CYP26B1: variants seen among roughly 807,000 people sequenced by gnomAD.
The protein encoded by CYP26B1 is cytochrome P450 26B1.
A neutral mutation model predicts 39.1 loss-of-function variants in CYP26B1; 8 were observed. The ratio of observed to expected loss-of-function variants is 0.20; its 90% confidence interval spans 0.12 to 0.37. The LOEUF is 0.37. Among genes scored for constraint, CYP26B1 ranks in the 10% least tolerant of loss-of-function variants. The pLI, the probability that CYP26B1 is intolerant of heterozygous loss-of-function variation, is 1.00. For missense variants in CYP26B1, 615 were observed against 707.0 expected, an observed-to-expected ratio of 0.87 and a Z score of 1.48; for synonymous variants, 321 against 314.3, an observed-to-expected ratio of 1.02 and a Z score of -0.23.
At position 72,147,306 on chromosome 2, in the gene CYP26B1, C is replaced by T. The variant is rs917896; in HGVS notation, c.204+325G>A. ...CTCAGGACCGGACCCTCCCCCGGGA[C>T]CGCGCCTCGCTAGGCGCCCCCGGGG... is the stretch of plus-strand genomic sequence containing the variant. On this transcript the variant is annotated intron_variant, in intron 1 of 5. Coordinates refer to ENST00000001146, the MANE Select transcript of CYP26B1 (RefSeq NM_019885.4). The surrounding 1 kb of genome is among the most constrained non-coding windows in gnomAD (Gnocchi z 6.1). Among the ~76,000 whole-genome samples the T allele has an allele frequency of 0.99, 151,180 of 152,260 alleles. 75,059 individuals are homozygous for T. The highest frequency in any genetic ancestry group is 1 in the East Asian group (5,142 of 5,142).
intron 2 of CYP26B1, among the ~76,000 whole-genome samples, chr2:72,141,519 C>G (rs1240420873): frequency 6.6e-6 from 1 of 152,190 alleles, no homozygotes; most frequent in Non-Finnish European, 1.5e-5. Context: ...CCCAGCACAC[C>G]TGGGCCCCAC....
intron 1 of CYP26B1, 88 bp from the exon 2 acceptor site, chr2:72,144,301 A>G (rs927955201): frequency 2.0e-6 from 3 of 1,536,316 alleles, no homozygotes; most frequent in Non-Finnish European, 2.6e-6. Context: ...CCCGGGGTAC[A>G]GTCACCTGCC....
Position 72,132,112 on chromosome 2 carries a change from G to T in CYP26B1, c.*115C>A, listed in dbSNP as rs879080089. ...TGCCAGGGAGGGGGAGCAAGGGAGGGCAAGTATGGGGGCCACTCGCCCTCC... is the reference window on the plus strand; with the variant it reads ...TGCCAGGGAGGGGGAGCAAGGGAGGTCAAGTATGGGGGCCACTCGCCCTCC... On this transcript the variant is annotated 3_prime_UTR_variant, in exon 6 of 6. Transcript: ENST00000001146. 2.4e-6 allele frequency: 3 copies of T among 1,226,176 alleles called. No homozygotes were observed. Among genetic ancestry groups the T allele is most frequent in the South Asian group, 2.9e-5 (2 of 69,826 alleles). The allele number at this position is 1,226,176 out of a possible 1,614,324, so 76.0% of individuals were successfully genotyped here. A position where few individuals can be genotyped will look rare whatever the true frequency, so the allele number is the denominator to read the frequency against.
At position 72,147,716 on chromosome 2, in the gene CYP26B1, G is replaced by C. The variant is rs1312651128; in HGVS notation, c.119C>G (p.Thr40Ser). The C allele has an allele frequency of 6.2e-7, 1 of 1,601,350 alleles. No individual in the cohort carries two copies. The highest frequency in any genetic ancestry group is 2.3e-5 in the East Asian group (1 of 44,026). ...QQLWQLRWAA[T>S]RDKSCKLPIP... is the part of the protein sequence containing the mutation. ...GGGCAGCTTGCAGCTCTTGTCGCGA[G>C]TGGCGGCCCAGCGCAGCTGCCACAG... Residue 40 changes from threonine to serine, a missense_variant, in exon 1 of 6, where the codon ACT becomes AGT. Thr to Ser is a moderately conservative substitution (Grantham distance 58). Transcript: ENST00000001146. This position sits in a 1 kb window ranked among gnomAD's most constrained non-coding sequence, Gnocchi z 6.1.
At chr2:72,140,838 G>A (rs572928540) in intron 2 of CYP26B1, among the ~76,000 whole-genome samples, 1 of 152,298 alleles carries the variant, frequency 6.6e-6, no homozygotes, top group Non-Finnish European at 1.5e-5. Context: ...GCAGGGGTCT[G>A]GGTAGAAGGG....
chr2:72,132,883 C>A, intron 5 of CYP26B1, 140 bp downstream of exon 5: 2 of 1,439,208 alleles, frequency 1.4e-6, no homozygotes, highest in East Asian at 2.5e-5. Context: ...CTTCTCCCAT[C>A]GGACTGAAAG....
At position 72,147,586 on chromosome 2, in the gene CYP26B1, G is replaced by A. The variant is rs764512488; in HGVS notation, c.204+45C>T. On this transcript the variant is annotated intron_variant, in intron 1 of 5. Coordinates refer to ENST00000001146, the MANE Select transcript of CYP26B1 (RefSeq NM_019885.4). The surrounding 1 kb of genome is among the most constrained non-coding windows in gnomAD (Gnocchi z 6.1). ...CCGCCGCTCCGTCTGCCCCGCGCTCGCAGCTAGCGGACCCCGGAGTGCAGC... is the reference window on the plus strand; with the variant it reads ...CCGCCGCTCCGTCTGCCCCGCGCTCACAGCTAGCGGACCCCGGAGTGCAGC... 5 of 1,555,152 alleles carry A rather than the reference G, an allele frequency of 3.2e-6. No individual in the cohort carries two copies.
intron 2 of CYP26B1, among the ~76,000 whole-genome samples, chr2:72,140,127 G>A (rs1224605075): frequency 6.6e-6 from 1 of 152,180 alleles, no homozygotes; most frequent in Non-Finnish European, 1.5e-5. Context: ...CTGGGAGAGT[G>A]AGCAAACACA....
chr2:72,140,726 G>A (rs1013961222), intron 2 of CYP26B1, among the ~76,000 whole-genome samples: 2 of 152,202 alleles, frequency 1.3e-5, no homozygotes, highest in Admixed American at 1.3e-4. Flanking sequence ...TTCCAAGATG[G>A]GGCCAAAGGT....
At chr2:72,143,544 C>G (rs1473171725) in intron 2 of CYP26B1, among the ~76,000 whole-genome samples, 1 of 152,208 alleles carries the variant, frequency 6.6e-6, no homozygotes, top group African/African-American at 2.4e-5. Context: ...CGCGCAGCCG[C>G]CTGCCCGCGA....
intron 2 of CYP26B1, among the ~76,000 whole-genome samples, chr2:72,138,511 G>T (rs565043862): frequency 9.3e-4 from 142 of 152,334 alleles, no homozygotes; most frequent in African/African-American, 3.2e-3. Context: ...GGCATCGCAG[G>T]AGCCACGACT....
chr2:72,144,634 GATTATTTATAGCGGTA>G, intron 1 of CYP26B1: 2 of 314,646 alleles, frequency 6.4e-6, no homozygotes, highest in Non-Finnish European at 9.2e-6. Context: ...GCAGGCCAAA[GATTATTTATAGCGGTA>G]AGCGGTCGGT....
rs1375687921 is a variant in CYP26B1, at chr2:72,147,161, A to G, written c.204+470T>C. ...GCAGGAACACAGTTTTAAATCGGCA[A>G]TTCAAGCTGCCACCAGCCCCCTCCT... On this transcript the variant is annotated intron_variant, in intron 1 of 5. Coordinates refer to ENST00000001146, the MANE Select transcript of CYP26B1 (RefSeq NM_019885.4). This position sits in a 1 kb window ranked among gnomAD's most constrained non-coding sequence, Gnocchi z 6.1. Among the ~76,000 whole-genome samples the G allele has an allele frequency of 6.6e-6, 1 of 152,022 alleles. No individual in the cohort carries two copies. The highest frequency in any genetic ancestry group is 1.5e-5 in the Non-Finnish European group (1 of 67,998).
Position 72,135,192 on chromosome 2 carries a change from G to A in CYP26B1, c.657C>T (p.Asp219=). Residue 219 remains aspartate, a synonymous_variant, in exon 3 of 6, where the codon GAC becomes GAT. Transcript: ENST00000001146. ...HLFEVYQQFV[D]NVFSLPVDLP... Reference sequence around the variant, plus strand: ...GGTCGACAGGCAGGGAGAAGACATTGTCCACAAACTGCTGGTAGACCTCAA... The same window carrying A: ...GGTCGACAGGCAGGGAGAAGACATTATCCACAAACTGCTGGTAGACCTCAA... 1 of 1,614,006 alleles carries A rather than the reference G, an allele frequency of 6.2e-7. No homozygotes were observed. Among genetic ancestry groups the A allele is most frequent in the Non-Finnish European group, 8.5e-7 (1 of 1,180,016 alleles).
intron 1 of CYP26B1, among the ~76,000 whole-genome samples, chr2:72,146,755 A>G (rs1166553703): frequency 2.0e-5 from 3 of 152,210 alleles, no homozygotes; most frequent in Non-Finnish European, 4.4e-5. Flanking sequence ...CACCCCAAGA[A>G]GAAAACCGGT....
rs1419182801 is a variant in CYP26B1 at position 72,130,145 on chromosome 2, G to C, written c.*2082C>G. 1 of 152,076 alleles carries C rather than the reference G, an allele frequency of 6.6e-6. No individual in the cohort carries two copies. The allele number at this position is 152,076 out of a possible 1,614,324, so 9.4% of individuals were successfully genotyped here. ...TGAAGTTCCACTTACTGCTCTCCTA[G>C]ATACTCAGTCAAAAACAATTGGTTC... On this transcript the variant is annotated 3_prime_UTR_variant, in exon 6 of 6. Coordinates refer to ENST00000001146, the MANE Select transcript of CYP26B1 (RefSeq NM_019885.4).
intron 2 of CYP26B1, among the ~76,000 whole-genome samples, chr2:72,137,807 G>A (rs887481890): frequency 5.3e-5 from 8 of 152,200 alleles, no homozygotes; most frequent in Admixed American, 2.6e-4. Flanking sequence ...GGGGGGAAGG[G>A]GTCCATGGGC....
chr2:72,144,025 G>A lies in CYP26B1; in HGVS notation c.393C>T (p.Ser131=). The change falls in exon 2 of 6, where the codon TCC becomes TCT. Residue 131 remains serine, a synonymous_variant. Transcript: ENST00000001146. ...TGCGGTGGATGTCGCCAATGGAATT[G>A]GACACCGTGTTGGGGCCCAGCAACA... The part of the protein sequence containing the change: ...TRMLLGPNTV[S]NSIGDIHRNK... 6.2e-7 allele frequency: 1 copy of A among 1,613,772 alleles called. No homozygotes were observed. Among genetic ancestry groups the A allele is most frequent in the Non-Finnish European group, 8.5e-7 (1 of 1,180,030 alleles).
At chr2:72,140,072 C>G (rs1386754437) in intron 2 of CYP26B1, among the ~76,000 whole-genome samples, 1 of 152,230 alleles carries the variant, frequency 6.6e-6, no homozygotes, top group Non-Finnish European at 1.5e-5. Context: ...GCAGACCCCA[C>G]CGAGCCTTCC....
Sources: allele counts gnomAD v4.1 joint callset (sites outside exome capture counted in the v4.1 genomes callset), GRCh38; gene constraint gnomAD v4.1.1; non-coding constraint Gnocchi (gnomAD v3.1); transcripts MANE v1.5; gene names NCBI Gene and HGNC (gene_info 2026-07-23, HGNC 2026-07-21).